The following DPP6 variants were observed in gnomAD, a reference collection of about 807,000 sequenced individuals.
DPP6 encodes the protein A-type potassium channel modulatory protein DPP6.
In DPP6, 69 loss-of-function variants were observed where a neutral mutation model predicts 122.6. The ratio of observed to expected loss-of-function variants is 0.56; its 90% confidence interval spans 0.46 to 0.69. DPP6 has a LOEUF of 0.69. DPP6 is among the 30% of genes least tolerant of loss of function. The pLI is 0.00. For synonymous variants in DPP6, 418 were observed against 433.1 expected, an observed-to-expected ratio of 0.97 and a Z score of 0.43; for missense variants, 928 against 1,116.9, an observed-to-expected ratio of 0.83 and a Z score of 2.41.
intron 1 of DPP6, among the ~76,000 whole-genome samples, chr7:154,195,099 T>C (rs1798799926): frequency 6.6e-6 from 1 of 152,204 alleles, no homozygotes; most frequent in Non-Finnish European, 1.5e-5. Context: ...CTATCTTTTT[T>C]TTCTAGAAGT....
Position 154,678,578 on chromosome 7 carries a change from A to G in DPP6, c.762+9137A>G, listed in dbSNP as rs10237481. On this transcript the variant is annotated intron_variant, in intron 7 of 25. Transcript: ENST00000377770. ...AAGAAATTCCGGACACAGCATCTTC[A>G]ATAACCCTAACACTCACCGCGAGGG... Among the ~76,000 whole-genome samples the G allele has an allele frequency of 9.9e-3, 1,506 of 152,346 alleles. 21 individuals are homozygous for G. The highest frequency in any genetic ancestry group is 0.034 in the African/African-American group (1,424 of 41,572).
rs10263942 is a variant in DPP6, at chr7:154,375,449, A to G, written c.244-70765A>G. Among the ~76,000 whole-genome samples, 1,302 of 152,218 alleles carry G rather than the reference A, an allele frequency of 8.6e-3. 22 individuals are homozygous for G. The highest frequency in any genetic ancestry group is 0.03 in the African/African-American group (1,234 of 41,522). Reference sequence around the variant, plus strand: ...GGTTTTAGTATGAGCCTTGTTACAGATGAAATGTTGTGGAGGTCCTAACCT... The same window carrying G: ...GGTTTTAGTATGAGCCTTGTTACAGGTGAAATGTTGTGGAGGTCCTAACCT... On this transcript the variant is annotated intron_variant, in intron 1 of 25. Transcript: ENST00000377770.
chr7:154,811,072 C>G (rs549795276), intron 16 of DPP6, among the ~76,000 whole-genome samples: 8 of 152,294 alleles, frequency 5.3e-5, no homozygotes, highest in African/African-American at 1.9e-4. Flanking sequence ...TTAAGGTAGA[C>G]ATAAACTAGC....
chr7:154,546,961 A>G (rs1829246724), intron 4 of DPP6, among the ~76,000 whole-genome samples: 1 of 152,246 alleles, frequency 6.6e-6, no homozygotes, highest in African/African-American at 2.4e-5. Flanking sequence ...TAGTCCTCTC[A>G]GCCCTGAAAC....
At chr7:154,163,762 T>C (rs1251206111) in intron 1 of DPP6, among the ~76,000 whole-genome samples, 1 of 152,164 alleles carries the variant, frequency 6.6e-6, no homozygotes, top group Non-Finnish European at 1.5e-5. Flanking sequence ...TGGAGAAGGT[T>C]CCAGGATCTC....
chr7:154,494,126 G>A (rs141808902), intron 3 of DPP6, among the ~76,000 whole-genome samples: 2 of 152,232 alleles, frequency 1.3e-5, no homozygotes, highest in East Asian at 1.9e-4. Flanking sequence ...GGCCAAAGCC[G>A]AAACATCGCT....
At chr7:153,874,939 G>A in the DPP6 span, among the ~76,000 whole-genome samples, 2 of 151,962 alleles carry the variant, frequency 1.3e-5, no homozygotes, top group African/African-American at 4.8e-5. Flanking sequence ...AGGAGAAGAC[G>A]GAGAGAATAG....
At chr7:154,368,743 A>G (rs1379869676) in intron 1 of DPP6, among the ~76,000 whole-genome samples, 1 of 152,260 alleles carries the variant, frequency 6.6e-6, no homozygotes, top group East Asian at 1.9e-4. Flanking sequence ...GATTCATTAG[A>G]TGAATTAAAT....
the DPP6 span, among the ~76,000 whole-genome samples, chr7:153,776,316 TG>T: frequency 6.6e-6 from 1 of 152,078 alleles, no homozygotes; most frequent in Non-Finnish European, 1.5e-5. Flanking sequence ...AATTGAATCA[TG>T]GGGGCGGTCA....
intron 4 of DPP6, among the ~76,000 whole-genome samples, chr7:154,559,958 G>GATATAT (rs566971783): frequency 8.5e-6 from 1 of 118,054 alleles, no homozygotes; most frequent in African/African-American, 3.2e-5. Context: ...ATATATATAA[G>GATATAT]ATATATATAA....
chr7:153,891,778 G>A lies in DPP6; in HGVS notation c.51+4044G>A, dbSNP rs117029202. On this transcript the variant is annotated intron_variant, in intron 1 of 25. Transcript: ENST00000404039. ...TGGGGACTGTCCTGTGACCCTTGGC[G>A]TCTCCCCCTTCCTTGGTGTGTGCAT... Among the ~76,000 whole-genome samples, 1,230 of 152,258 alleles carry A rather than the reference G, an allele frequency of 8.1e-3. 10 individuals carry two copies. The highest frequency in any genetic ancestry group is 0.015 in the Non-Finnish European group (1,003 of 68,018).
At chr7:154,369,913 T>G (rs1586077893) in intron 1 of DPP6, among the ~76,000 whole-genome samples, 2 of 152,212 alleles carry the variant, frequency 1.3e-5, no homozygotes, top group South Asian at 4.1e-4. Flanking sequence ...GGTGTCTCAT[T>G]GTTATAATCC....
At chr7:154,147,553 C>T (rs1796167197) in intron 1 of DPP6, among the ~76,000 whole-genome samples, 1 of 151,840 alleles carries the variant, frequency 6.6e-6, no homozygotes, top group South Asian at 2.1e-4. Flanking sequence ...AATCTCAGCT[C>T]ACTGCAACCT....
chr7:153,851,131 T>C, the DPP6 span, among the ~76,000 whole-genome samples: 1 of 152,226 alleles, frequency 6.6e-6, no homozygotes, highest in Non-Finnish European at 1.5e-5. Context: ...GAATAAACCA[T>C]ATAACCTTAG....
At chr7:154,778,700 A>G (rs1330931285) in intron 10 of DPP6, among the ~76,000 whole-genome samples, 1 of 145,910 alleles carries the variant, frequency 6.9e-6, no homozygotes, top group Non-Finnish European at 1.5e-5. Flanking sequence ...CTCCACCACC[A>G]TCACCACCAC....
At position 154,486,482 on chromosome 7, in the gene DPP6, CT is replaced by C. The variant is rs1304241747; in HGVS notation, c.457+11448del. On this transcript the variant is annotated intron_variant, in intron 3 of 25. Transcript: ENST00000377770. This position sits in a 1 kb window ranked among gnomAD's most constrained non-coding sequence, Gnocchi z 4.5. ...CTGGCCATATTAGGTTCTTTGGCAGCTTTGTGACTTTATTGCTCTTCTCTTT... is the reference window on the plus strand; with the variant it reads ...CTGGCCATATTAGGTTCTTTGGCAGCTTGTGACTTTATTGCTCTTCTCTTT... Among the ~76,000 whole-genome samples, 2 of 152,188 alleles carry C rather than the reference CT, an allele frequency of 1.3e-5. No homozygotes were observed. The highest frequency in any genetic ancestry group is 2.9e-5 in the Non-Finnish European group (2 of 68,034).
At position 154,807,001 on chromosome 7, in the gene DPP6, A is replaced by G; in HGVS notation, c.1555A>G (p.Thr519Ala). Reference sequence around the variant, plus strand: ...CGTCCTTTGCTCTTCCAGTGCCAACACGGTGGGCAACTTCAACAGGCAGTG... The same window carrying G: ...CGTCCTTTGCTCTTCCAGTGCCAACGCGGTGGGCAACTTCAACAGGCAGTG... ...PRRRQLYSAN[T>A]VGNFNRQCLS... The change falls in exon 16 of 26, where the codon ACG (threonine) becomes GCG (alanine). Residue 519 changes from threonine (T) to alanine (A), a missense_variant. By Grantham distance (58) the Thr-to-Ala change is moderately conservative. Coordinates refer to ENST00000377770, the MANE Select transcript of DPP6 (RefSeq NM_130797.4). 1.2e-6 allele frequency: 2 copies of G among 1,613,844 alleles called. No homozygotes were observed. The highest frequency in any genetic ancestry group is 1.7e-6 in the Non-Finnish European group (2 of 1,179,822).
chr7:154,685,675 G>T (rs1410927532), intron 7 of DPP6, among the ~76,000 whole-genome samples: 1 of 152,152 alleles, frequency 6.6e-6, no homozygotes, highest in African/African-American at 2.4e-5. Context: ...AAAATTGCTG[G>T]TCATTAAAAC....
chr7:154,555,720 T>G (rs1027645132), intron 4 of DPP6, among the ~76,000 whole-genome samples: 1 of 152,024 alleles, frequency 6.6e-6, no homozygotes, highest in African/African-American at 2.4e-5. Context: ...ATCAATAGCT[T>G]TTCTCTTCAC....
Sources: gnomAD v4.1 joint callset for allele counts (sites outside exome capture counted in the v4.1 genomes callset) on GRCh38, gnomAD v4.1.1 for gene constraint, Gnocchi (gnomAD v3.1) non-coding constraint, MANE v1.5 for transcripts, NCBI Gene and HGNC (gene_info 2026-07-23, HGNC 2026-07-21) for gene names.